GABRG2: variants seen among roughly 807,000 people sequenced by gnomAD.
GABRG2 encodes gamma-aminobutyric acid type A receptor subunit gamma2.
A neutral mutation model predicts 56.4 loss-of-function variants in GABRG2; 16 were observed. The observed-to-expected ratio is 0.28, with a 90% CI of 0.19 to 0.43. The LOEUF (loss-of-function observed/expected upper bound fraction) is 0.43. GABRG2 is among the 20% of genes least tolerant of loss of function. The pLI, the probability that GABRG2 is intolerant of heterozygous loss-of-function variation, is 1.00. For synonymous variants in GABRG2, 208 were observed against 205.5 expected (o/e 1.01, Z -0.10); for missense variants, 327 against 582.7 (o/e 0.56, Z 4.52).
intron 7 of GABRG2, among the ~76,000 whole-genome samples, chr5:162,143,326 T>G (rs946812148): frequency 6.6e-6 from 1 of 152,218 alleles, no homozygotes; most frequent in Non-Finnish European, 1.5e-5. Context: ...GAAAAAATTA[T>G]TTTTGAGAAA....
intron 7 of GABRG2, among the ~76,000 whole-genome samples, chr5:162,143,276 A>G (rs1218785920): frequency 6.6e-6 from 1 of 152,206 alleles, no homozygotes; most frequent in African/African-American, 2.4e-5. Flanking sequence ...AATTATTGGG[A>G]TAACATTTGA....
intron 6 of GABRG2, among the ~76,000 whole-genome samples, chr5:162,121,850 A>T (rs548218094): frequency 6.6e-6 from 1 of 152,014 alleles, no homozygotes; most frequent in Non-Finnish European, 1.5e-5. Context: ...AAAGAGCATC[A>T]ATGTGTCCTC....
At chr5:162,142,439 G>A in intron 7 of GABRG2, 123 bp downstream of exon 7, 1 of 1,043,856 alleles carries the variant, frequency 9.6e-7, no homozygotes. Context: ...AATACCATTT[G>A]TTTCATATTC....
chr5:162,072,955 T>C (rs985841778), intron 1 of GABRG2, among the ~76,000 whole-genome samples: 1 of 151,992 alleles, frequency 6.6e-6, no homozygotes, highest in Non-Finnish European at 1.5e-5. Flanking sequence ...TATTATCTTA[T>C]GTGTTTTTTT....
intron 1 of GABRG2, 150 bp from the exon 2 acceptor site, chr5:162,093,678 C>T (rs991238916): frequency 5.5e-6 from 4 of 732,504 alleles, no homozygotes; most frequent in Non-Finnish European, 7.1e-6. Context: ...TCCATCTATG[C>T]AGTTTAATTA....
At chr5:162,107,993 A>T (rs545772511) in intron 6 of GABRG2, among the ~76,000 whole-genome samples, 51 of 152,274 alleles carry the variant, frequency 3.3e-4, no homozygotes, top group African/African-American at 1.1e-3. Context: ...CTTAATTATA[A>T]AAGCTAGCAC....
intron 4 of GABRG2, chr5:162,100,537 T>C (rs1761339058): frequency 6.6e-6 from 1 of 152,152 alleles, no homozygotes; most frequent in Non-Finnish European, 1.5e-5. Context: ...ACTGAGAAAA[T>C]CTGTATACTT....
chr5:162,141,757 T>C (rs1764585207), intron 6 of GABRG2, among the ~76,000 whole-genome samples: 1 of 152,180 alleles, frequency 6.6e-6, no homozygotes, highest in Non-Finnish European at 1.5e-5. Flanking sequence ...AAAGATTTTG[T>C]CCTAAGAAAT....
rs1759923025 is a variant in GABRG2 at position 162,084,705 on chromosome 5, T to C, written c.108-9123T>C. 2.0e-5 allele frequency among the ~76,000 whole-genome samples: 3 copies of C among 151,956 alleles called. No homozygotes were observed. The South Asian group carries it at 6.2e-4, about 31-fold the overall frequency. Reference sequence around the variant, plus strand: ...CATATTTGTAATATGTTAGTCATCATATAAATGAAGAAATACAAAGTATTT... The same window carrying C: ...CATATTTGTAATATGTTAGTCATCACATAAATGAAGAAATACAAAGTATTT... On this transcript the variant is annotated intron_variant, in intron 1 of 9. Coordinates refer to ENST00000639213, the MANE Select transcript of GABRG2 (RefSeq NM_198904.4).
rs1327981957 is a variant in GABRG2, at chr5:162,091,012, C to T, written c.108-2816C>T. 2.6e-5 allele frequency among the ~76,000 whole-genome samples: 4 copies of T among 152,194 alleles called. No individual in the cohort carries two copies. In the South Asian group the frequency reaches 6.2e-4, roughly 24 times the overall value. ...CAGCGTAGCTTTAATAAAAGAAGTT[C>T]CTTTTTTTAAAGACAAATCTGGAAA... On this transcript the variant is annotated intron_variant, in intron 1 of 9. Coordinates refer to ENST00000639213, the MANE Select transcript of GABRG2 (RefSeq NM_198904.4).
At chr5:162,139,667 A>G (rs887933439) in intron 6 of GABRG2, among the ~76,000 whole-genome samples, 3 of 152,232 alleles carry the variant, frequency 2.0e-5, no homozygotes, top group Non-Finnish European at 4.4e-5. Flanking sequence ...GTGCCAGATC[A>G]TTAATACCAA....
At chr5:162,131,490 T>G (rs1294424420) in intron 6 of GABRG2, among the ~76,000 whole-genome samples, 1 of 152,102 alleles carries the variant, frequency 6.6e-6, no homozygotes, top group Admixed American at 6.6e-5. Flanking sequence ...TTCTTCTTTC[T>G]CCTCCACTGT....
At chr5:162,139,787 A>G (rs1561657723) in intron 6 of GABRG2, among the ~76,000 whole-genome samples, 1 of 152,244 alleles carries the variant, frequency 6.6e-6, no homozygotes, top group African/African-American at 2.4e-5. Context: ...CACATTTAAA[A>G]TGTGCAGAAA....
In GABRG2 at chr5:162,141,941, C is replaced by A. The variant is rs570059408; in HGVS notation, c.770-223C>A. On this transcript the variant is annotated intron_variant, in intron 6 of 9. Coordinates refer to ENST00000639213, the MANE Select transcript of GABRG2 (RefSeq NM_198904.4). ...ATGATCAGTATGCTAAAAATGTTTC[C>A]TTCCATCTAGTAGACAAATTGCTCT... Among the ~76,000 whole-genome samples the A allele has an allele frequency of 2.0e-5, 3 of 152,156 alleles. No homozygotes were observed. The South Asian group carries it at 6.2e-4, about 32-fold the overall frequency.
At chr5:162,133,957 T>G (rs2113551824) in intron 6 of GABRG2, among the ~76,000 whole-genome samples, 1 of 152,282 alleles carries the variant, frequency 6.6e-6, no homozygotes, top group Non-Finnish European at 1.5e-5. Context: ...TTCCTAAAGC[T>G]AATACGTGCA....
chr5:162,079,862 C>T (rs1260446460), intron 1 of GABRG2, among the ~76,000 whole-genome samples: 1 of 152,028 alleles, frequency 6.6e-6, no homozygotes. Flanking sequence ...TCACTGCAGC[C>T]TCTGTCTCCT....
intron 6 of GABRG2, 133 bp downstream of exon 6, chr5:162,104,159 A>G: frequency 1.2e-6 from 1 of 813,656 alleles, no homozygotes; most frequent in Non-Finnish European, 2.0e-6. Context: ...TTAACTTTCT[A>G]GAGAAAATTA....
chr5:162,120,513 A>T (rs905164664), intron 6 of GABRG2, among the ~76,000 whole-genome samples: 2 of 152,096 alleles, frequency 1.3e-5, no homozygotes, highest in African/African-American at 4.8e-5. Context: ...CTCAAGAACT[A>T]TAGCTTTTTC....
intron 6 of GABRG2, among the ~76,000 whole-genome samples, chr5:162,104,759 G>A (rs1215157186): frequency 1.1e-5 from 1 of 92,172 alleles, no homozygotes; most frequent in Non-Finnish European, 2.3e-5. Context: ...GTCAGGAATT[G>A]AGATTTAAGA....
Sources: allele counts gnomAD v4.1 joint callset (sites outside exome capture counted in the v4.1 genomes callset), GRCh38; gene constraint gnomAD v4.1.1; transcripts MANE v1.5; gene names NCBI Gene and HGNC (gene_info 2026-07-23, HGNC 2026-07-21).